Variants in ST6GALNAC3 observed in about 807,000 individuals in gnomAD.
ST6GALNAC3 encodes the protein alpha-N-acetylgalactosaminide alpha-2,6-sialyltransferase 3.
A neutral mutation model predicts 32.7 loss-of-function variants in ST6GALNAC3; 25 were observed. The ratio of observed to expected loss-of-function variants is 0.76; its 90% CI spans 0.56 to 1.07. The LOEUF is 1.07. ST6GALNAC3 is among the 50% of genes least tolerant of loss of function. The pLI is 0.00. For synonymous variants in ST6GALNAC3, 129 were observed against 133.1 expected (o/e 0.97, Z 0.21); for missense variants, 355 against 382.4 (o/e 0.93, Z 0.60).
At chr1:76,303,735 T>A (rs1323322005) in intron 1 of ST6GALNAC3, among the ~76,000 whole-genome samples, 1 of 152,096 alleles carries the variant, frequency 6.6e-6, no homozygotes, top group East Asian at 1.9e-4. Context: ...AAATATGGAT[T>A]CTTGTAAGCC....
At chr1:76,150,087 G>C (rs1217408764) in intron 1 of ST6GALNAC3, among the ~76,000 whole-genome samples, 2 of 152,122 alleles carry the variant, frequency 1.3e-5, no homozygotes, top group Admixed American at 1.3e-4. Flanking sequence ...TCTGGGCTGC[G>C]TTTCCTTCTC....
At chr1:76,237,433 T>C (rs1334870399) in intron 1 of ST6GALNAC3, among the ~76,000 whole-genome samples, 1 of 152,216 alleles carries the variant, frequency 6.6e-6, no homozygotes, top group Non-Finnish European at 1.5e-5. Flanking sequence ...AATTCTTTAA[T>C]GCAGTGAGAG....
intron 1 of ST6GALNAC3, among the ~76,000 whole-genome samples, chr1:76,102,235 T>G (rs990521370): frequency 1.4e-5 from 2 of 147,426 alleles, no homozygotes; most frequent in Non-Finnish European, 3.0e-5. Context: ...CCTGGTGTGT[T>G]TGTGTGTGTG....
intron 1 of ST6GALNAC3, among the ~76,000 whole-genome samples, chr1:76,239,275 T>C (rs1275719535): frequency 6.6e-6 from 1 of 152,158 alleles, no homozygotes; most frequent in Non-Finnish European, 1.5e-5. Context: ...TCAGCATCCT[T>C]GAACTTGACC....
At chr1:76,278,541 G>T (rs536760800) in intron 1 of ST6GALNAC3, among the ~76,000 whole-genome samples, 52 of 152,082 alleles carry the variant, frequency 3.4e-4, no homozygotes, top group Middle Eastern at 3.4e-3. Context: ...AGTGTTTAAA[G>T]AATTCAAGAA....
intron 1 of ST6GALNAC3, among the ~76,000 whole-genome samples, chr1:76,189,236 GCT>G (rs1319818258): frequency 6.6e-6 from 1 of 152,208 alleles, no homozygotes; most frequent in Non-Finnish European, 1.5e-5. Context: ...TGCTTTGTGT[GCT>G]CATATTCATG....
At chr1:76,614,591 C>T (rs771309089) in intron 3 of ST6GALNAC3, among the ~76,000 whole-genome samples, 1 of 151,742 alleles carries the variant, frequency 6.6e-6, no homozygotes, top group Non-Finnish European at 1.5e-5. Flanking sequence ...TGGTGGCGGG[C>T]GCCTGTAGTC....
chr1:76,239,857 G>C (rs72998535), intron 1 of ST6GALNAC3, among the ~76,000 whole-genome samples: 61 of 152,284 alleles, frequency 4.0e-4, no homozygotes, highest in African/African-American at 1.4e-3. Context: ...ATGCAAAGAA[G>C]GCCCTAGGCT....
intron 1 of ST6GALNAC3, among the ~76,000 whole-genome samples, chr1:76,151,040 C>G (rs764030416): frequency 1.2e-4 from 18 of 152,188 alleles, no homozygotes; most frequent in Admixed American, 5.9e-4. Context: ...TGCTTCATGA[C>G]CTGACATGCT....
At chr1:76,353,721 T>C (rs1649194918) in intron 2 of ST6GALNAC3, 1 of 152,982 alleles carries the variant, frequency 6.5e-6, no homozygotes, top group Non-Finnish European at 1.5e-5. Context: ...CAGCAAATCA[T>C]CTAGTAACAA....
intron 1 of ST6GALNAC3, among the ~76,000 whole-genome samples, chr1:76,089,183 T>C (rs1182313216): frequency 1.3e-5 from 2 of 152,116 alleles, no homozygotes; most frequent in Admixed American, 1.3e-4. Context: ...CACCTGCCAC[T>C]ACGCCCGGCT....
intron 1 of ST6GALNAC3, among the ~76,000 whole-genome samples, chr1:76,199,342 A>T (rs1191829611): frequency 6.6e-6 from 1 of 152,256 alleles, no homozygotes; most frequent in Non-Finnish European, 1.5e-5. Context: ...ATGGAGACAC[A>T]TCTTTCTAGG....
chr1:76,217,067 T>C (rs1314939053), intron 1 of ST6GALNAC3, among the ~76,000 whole-genome samples: 4 of 152,248 alleles, frequency 2.6e-5, no homozygotes, highest in African/African-American at 9.6e-5. Flanking sequence ...CATACATGAT[T>C]AAATCCATCA....
intron 3 of ST6GALNAC3, among the ~76,000 whole-genome samples, chr1:76,486,080 T>A (rs1343588202): frequency 6.6e-6 from 1 of 152,252 alleles, no homozygotes; most frequent in Non-Finnish European, 1.5e-5. Flanking sequence ...TGCACTGTGA[T>A]CTGAGAGACA....
intron 3 of ST6GALNAC3, among the ~76,000 whole-genome samples, chr1:76,473,801 C>T (rs1296287579): frequency 6.6e-6 from 1 of 152,158 alleles, no homozygotes; most frequent in East Asian, 1.9e-4. Context: ...GTGGAGTCTA[C>T]ATTTCCTCCT....
At chr1:76,526,576 T>C (rs1662924731) in intron 3 of ST6GALNAC3, among the ~76,000 whole-genome samples, 1 of 152,092 alleles carries the variant, frequency 6.6e-6, no homozygotes, top group Admixed American at 6.6e-5. Context: ...CCCATTAGCT[T>C]TATGTATTTC....
intron 1 of ST6GALNAC3, among the ~76,000 whole-genome samples, chr1:76,111,078 T>TTAGGAACTGTAATGTC (rs1647897588): frequency 6.6e-6 from 1 of 152,200 alleles, no homozygotes; most frequent in South Asian, 2.1e-4. Flanking sequence ...CTTAGAGATA[T>TTAGGAACTGTAATGTC]TAGGAACTGT....
chr1:76,393,468 G>A (rs950640650), intron 2 of ST6GALNAC3, among the ~76,000 whole-genome samples: 7 of 152,102 alleles, frequency 4.6e-5, no homozygotes, highest in African/African-American at 1.4e-4. Flanking sequence ...AGAAGCCTTA[G>A]TTCTGTGTAT....
intron 3 of ST6GALNAC3, among the ~76,000 whole-genome samples, chr1:76,504,289 A>AAG (rs1557499807): frequency 6.6e-6 from 1 of 151,986 alleles, no homozygotes; most frequent in Non-Finnish European, 1.5e-5. Context: ...GTGTCTTTTT[A>AAG]TCTGTTTCTT....
Sources: allele counts gnomAD v4.1 joint callset (sites outside exome capture counted in the v4.1 genomes callset), GRCh38; gene constraint gnomAD v4.1.1; transcripts MANE v1.5; gene names NCBI Gene and HGNC (gene_info 2026-07-23, HGNC 2026-07-21).